The following GIPR variants were observed in gnomAD, a reference collection of about 807,000 sequenced individuals.
GIPR encodes the protein gastric inhibitory polypeptide receptor.
Under a neutral mutation model 62.2 loss-of-function variants are expected in GIPR, and 74 were observed. The observed-to-expected ratio is 1.19, with a 90% CI of 0.99 to 1.44. The LOEUF (loss-of-function observed/expected upper bound fraction) is 1.44. Among genes scored for constraint, GIPR ranks in the 40% most tolerant of loss-of-function variants. The pLI is 0.00. For synonymous variants in GIPR, 256 were observed against 262.2 expected, an observed-to-expected ratio of 0.98 and a Z score of 0.23; for missense variants, 664 against 611.8, an observed-to-expected ratio of 1.09 and a Z score of -0.90.
intron 2 of GIPR, 102 bp downstream of exon 2, chr19:45,669,694 C>G: frequency 6.8e-7 from 1 of 1,472,046 alleles, no homozygotes; most frequent in South Asian, 1.3e-5. Context: ...GCCTGTAATC[C>G]CAGCACTTTG....
At chr19:45,681,674 C>A (rs1018844317) in intron 13 of GIPR, 29 bp downstream of exon 13, 1 of 1,612,440 alleles carries the variant, frequency 6.2e-7, no homozygotes. Context: ...GCCGCCCCCG[C>A]CCTCTGGCGG....
At position 45,674,073 on chromosome 19, in the gene GIPR, G is replaced by A; in HGVS notation, c.385-1G>A. The stretch of plus-strand genomic sequence containing the variant: ...TCCCTTCCCCTTCTTGCCCCGACCA[G>A]GACCAAAGGCTCATCTTGGAGCGGT... On this transcript the variant is annotated splice_acceptor_variant, in intron 5 of 13. Coordinates refer to ENST00000590918, the MANE Select transcript of GIPR (RefSeq NM_000164.4). LOFTEE classifies it high-confidence loss of function. 1 of 1,601,422 alleles carries A rather than the reference G, an allele frequency of 6.2e-7. No homozygotes were observed. Among genetic ancestry groups the A allele is most frequent in the South Asian group, 1.1e-5 (1 of 90,822 alleles).
rs761170379 is a variant in GIPR, at chr19:45,674,175, C to A, written c.486C>A (p.Phe162Leu). ...LLLALLILSL[F>L]RRLHCTRNYI... ...TAGCCCTGCTCATCTTGAGTTTGTT[C>A]AGGTGGGACCTTAACCCTGAGTGGT... Residue 162 changes from phenylalanine to leucine, a missense_variant and splice_region_variant, in exon 6 of 14, where the codon TTC becomes TTA. By Grantham distance (22) the Phe-to-Leu change is conservative. Coordinates refer to ENST00000590918, the MANE Select transcript of GIPR (RefSeq NM_000164.4). The A allele has an allele frequency of 3.1e-6, 5 of 1,598,502 alleles. No homozygotes were observed. The highest frequency in any genetic ancestry group is 1.7e-4 in the Middle Eastern group (1 of 6,024).
intron 6 of GIPR, 199 bp from the exon 7 acceptor site, chr19:45,674,483 G>A: frequency 1.6e-6 from 1 of 641,268 alleles, no homozygotes; most frequent in South Asian, 1.8e-5. Flanking sequence ...TGGTGCACCT[G>A]TGGTACCAGC....
At position 45,677,892 on chromosome 19, in the gene GIPR, ATC is replaced by A; in HGVS notation, c.925-9_925-8del. On this transcript the variant is annotated splice_polypyrimidine_tract_variant and intron_variant, in intron 10 of 13. Coordinates refer to ENST00000590918, the MANE Select transcript of GIPR (RefSeq NM_000164.4). ...TGGGATCGCGGCTGGCTCAGCCCTTATCTCTCCCCACAGATTAATTTCCTCAT... is the reference window on the plus strand; with the variant it reads ...TGGGATCGCGGCTGGCTCAGCCCTTATCTCCCCACAGATTAATTTCCTCAT... 8 of 1,612,658 alleles carry A rather than the reference ATC, an allele frequency of 5.0e-6. No homozygotes were observed. The highest frequency in any genetic ancestry group is 6.8e-6 in the Non-Finnish European group (8 of 1,178,788).
intron 7 of GIPR, among the ~76,000 whole-genome samples, chr19:45,675,932 A>G (rs547724843): frequency 6.8e-6 from 1 of 146,742 alleles, no homozygotes; most frequent in East Asian, 2.0e-4. Flanking sequence ...GGGGCCAGGC[A>G]CAGTGGCTCA....
intron 3 of GIPR, 29 bp downstream of exon 3, chr19:45,670,763 GAGGA>G: frequency 7.3e-7 from 1 of 1,364,938 alleles, no homozygotes; most frequent in Admixed American, 1.9e-5. Flanking sequence ...GGGACGCGGG[GAGGA>G]CCTGAGGCTG....
At position 45,677,748 on chromosome 19, in the gene GIPR, T is replaced by C; in HGVS notation, c.893T>C (p.Ile298Thr). ...AACGAAGTCAAGGCCATTTGGTGGA[T>C]TATACGGACCCCCATCCTCATGACC... Reference protein sequence around the residue: ...ERNEVKAIWWIIRTPILMTIL... With the variant: ...ERNEVKAIWWTIRTPILMTIL... The change falls in exon 10 of 14, where the codon ATT (isoleucine) becomes ACT (threonine). Residue 298 changes from isoleucine (I) to threonine (T), a missense_variant. Coordinates refer to ENST00000590918, the MANE Select transcript of GIPR (RefSeq NM_000164.4). The C allele has an allele frequency of 2.5e-6, 4 of 1,613,532 alleles. No homozygotes were observed. Among genetic ancestry groups the C allele is most frequent in the Non-Finnish European group, 3.4e-6 (4 of 1,179,538 alleles).
At position 45,682,648 on chromosome 19, in the gene GIPR, C is replaced by A. The variant is rs1241888029; in HGVS notation, c.*713C>A. 6.6e-6 allele frequency: 1 copy of A among 151,708 alleles called. No individual in the cohort carries two copies. Among genetic ancestry groups the A allele is most frequent in the African/African-American group, 2.4e-5 (1 of 41,258 alleles). The allele number at this position is 151,708 out of a possible 1,614,324, so 9.4% of individuals were successfully genotyped here. The stretch of plus-strand genomic sequence containing the variant: ...CAATTTCAGCTCACTGCACCCTCCA[C>A]CTCCCGAGTTCAAGCCTCCCGGGTA... On this transcript the variant is annotated 3_prime_UTR_variant, in exon 14 of 14. Coordinates refer to ENST00000590918, the MANE Select transcript of GIPR (RefSeq NM_000164.4).
At chr19:45,676,522 C>CT (rs769332218) in intron 7 of GIPR, among the ~76,000 whole-genome samples, 61 of 150,260 alleles carry the variant, frequency 4.1e-4, no homozygotes, top group Admixed American at 3.3e-4. Context: ...CAACCTCCAC[C>CT]TCCCGGGTTC....
intron 12 of GIPR, among the ~76,000 whole-genome samples, chr19:45,681,057 G>C (rs1294100358): frequency 6.6e-6 from 1 of 152,118 alleles, no homozygotes; most frequent in Non-Finnish European, 1.5e-5. Context: ...AGCCAGCAGT[G>C]CTCAGCTAAC....
chr19:45,680,070 A>T (rs181215170), intron 12 of GIPR, among the ~76,000 whole-genome samples: 1 of 152,018 alleles, frequency 6.6e-6, no homozygotes, highest in African/African-American at 2.4e-5. Context: ...GCGCCTGGCC[A>T]AGATCCTCAT....
rs1356646342 is a variant in GIPR, at chr19:45,677,381, G to A, written c.852G>A (p.Thr284=). 6.3e-7 allele frequency: 1 copy of A among 1,579,234 alleles called. No individual in the cohort carries two copies. The highest frequency in any genetic ancestry group is 8.7e-7 in the Non-Finnish European group (1 of 1,150,836). ...TCGTCAGGTACCTGTACGAGAACAC[G>A]CAGTGAGTTGCAGGGTCTGGGGCGG... ...WVIVRYLYEN[T]QCWERNEVKA... is the part of the protein sequence containing the mutation. Residue 284 remains threonine, a splice_region_variant and synonymous_variant, in exon 9 of 14, where the codon ACG becomes ACA. Coordinates refer to ENST00000590918, the MANE Select transcript of GIPR (RefSeq NM_000164.4).
chr19:45,681,427 A>G (rs1967215776), intron 12 of GIPR, among the ~76,000 whole-genome samples, 177 bp from the exon 13 acceptor site: 2 of 152,044 alleles, frequency 1.3e-5, no homozygotes, highest in Admixed American at 1.3e-4. Flanking sequence ...CCCGGGAGGT[A>G]GAGGTTGCCG....
At chr19:45,681,533 G>T in intron 12 of GIPR, 71 bp from the exon 13 acceptor site, 1 of 1,226,894 alleles carries the variant, frequency 8.2e-7, no homozygotes, top group African/African-American at 1.5e-5. Flanking sequence ...CAAAAAACGG[G>T]GAGGGAGGCG....
chr19:45,673,593 T>C (rs981058233), intron 5 of GIPR, among the ~76,000 whole-genome samples: 2 of 148,116 alleles, frequency 1.4e-5, no homozygotes, highest in East Asian at 2.0e-4. Context: ...TGGCCAGGAG[T>C]GGTGGCTCAT....
chr19:45,672,950 T>G lies in GIPR; in HGVS notation c.380T>G (p.Phe127Cys). ...QCENPEKNEA[F>C]LDQRLILERL... ...GAGAACCCAGAGAAGAATGAGGCCT[T>G]TCTGGTAAGAAGAGGTGAGGGCTTC... The change falls in exon 5 of 14, where the codon TTT (phenylalanine) becomes TGT (cysteine). Residue 127 changes from phenylalanine (F) to cysteine (C), a missense_variant. Coordinates refer to ENST00000590918, the MANE Select transcript of GIPR (RefSeq NM_000164.4). 2 of 1,571,516 alleles carry G rather than the reference T, an allele frequency of 1.3e-6. No homozygotes were observed. The highest frequency in any genetic ancestry group is 1.8e-6 in the Non-Finnish European group (2 of 1,141,094).
rs961957710 is a variant in GIPR at position 45,675,301 on chromosome 19, G to A, written c.633+475G>A. The A allele has an allele frequency of 2.3e-5, 4 of 177,214 alleles. 1 individual carries two copies. In the East Asian group the frequency reaches 6.6e-4, roughly 29 times the overall value. The allele number at this position is 177,214 out of a possible 1,614,324, so 11.0% of individuals were successfully genotyped here. A position where few individuals can be genotyped will look rare whatever the true frequency, so the allele number is the denominator to read the frequency against. ...TTGTTAAGAAGCCGCACGCACCCAG[G>A]CACAGTGGCTCACATCTGTAATCCC... On this transcript the variant is annotated intron_variant, in intron 7 of 13. Coordinates refer to ENST00000590918, the MANE Select transcript of GIPR (RefSeq NM_000164.4).
Position 45,681,499 on chromosome 19 carries a change from AAAACAAAC to A in GIPR, c.1153-85_1153-78del, listed in dbSNP as rs149092660. On this transcript the variant is annotated intron_variant, in intron 12 of 13. Coordinates refer to ENST00000590918, the MANE Select transcript of GIPR (RefSeq NM_000164.4). ...AACAAGAGCAATATTCCGACTCTTAAAAACAAACAAACAAACAAACAAACAAAAAACGG... is the reference window on the plus strand; with the variant it reads ...AACAAGAGCAATATTCCGACTCTTAAAAACAAACAAACAAACAAAAAACGG... 5.5e-4 allele frequency: 546 copies of A among 987,394 alleles called. 3 individuals are homozygous for A. The highest frequency in any genetic ancestry group is 2.0e-3 in the African/African-American group (123 of 62,476). 61.2% of individuals were successfully genotyped at this position (987,394 alleles called of 1,614,324 possible). A position where few individuals can be genotyped will look rare whatever the true frequency, so the allele number is the denominator to read the frequency against.
Sources: gnomAD v4.1 joint callset for allele counts (sites outside exome capture counted in the v4.1 genomes callset) on GRCh38, gnomAD v4.1.1 for gene constraint, MANE v1.5 for transcripts, NCBI Gene and HGNC (gene_info 2026-07-23, HGNC 2026-07-21) for gene names.